Variants in MSANTD5 observed in about 807,000 individuals in gnomAD.
The protein encoded by MSANTD5 is Myb/SANT DNA binding domain containing 5.
At chr5:178,694,357 C>T (rs951483701), downstream of MSANTD5, among the ~76,000 whole-genome samples, 2 of 151,044 alleles carry the variant, frequency 1.3e-5, no homozygotes, top group Non-Finnish European at 3.0e-5. Flanking sequence ...GATCACACAG[C>T]CAGGAAATGA....
At chr5:178,704,777 T>G in the MSANTD5 span, among the ~76,000 whole-genome samples, 71 of 152,160 alleles carry the variant, frequency 4.7e-4, no homozygotes, top group Non-Finnish European at 7.6e-4. Flanking sequence ...CAAAAGAATA[T>G]AGTATTTTAG....
chr5:178,704,611 A>G, the MSANTD5 span, among the ~76,000 whole-genome samples: 17 of 152,230 alleles, frequency 1.1e-4, no homozygotes, highest in Non-Finnish European at 1.6e-4. Flanking sequence ...ATGTAGTGAT[A>G]TCAGGGTTCC....
At chr5:178,705,825 T>C in the MSANTD5 span, among the ~76,000 whole-genome samples, 883 of 152,024 alleles carry the variant, frequency 5.8e-3, 3 homozygotes, top group African/African-American at 0.019. Context: ...GGCGTGGTGG[T>C]GGGCGCCTGT....
chr5:178,692,924 T>C (rs1306043076), downstream of MSANTD5, among the ~76,000 whole-genome samples: 1 of 151,906 alleles, frequency 6.6e-6, no homozygotes, highest in Non-Finnish European at 1.5e-5. Context: ...GACCCGGACA[T>C]AGGGCCTAAG....
the MSANTD5 span, among the ~76,000 whole-genome samples, chr5:178,704,880 G>A: frequency 3.4e-4 from 52 of 152,142 alleles, no homozygotes; most frequent in African/African-American, 1.2e-3. Context: ...GCAGGCACAG[G>A]GGATGAGACT....
the MSANTD5 span, among the ~76,000 whole-genome samples, chr5:178,705,892 G>C: frequency 6.6e-6 from 1 of 151,498 alleles, no homozygotes. Context: ...GGGAGGCAGA[G>C]CTTGCAGTGA....
chr5:178,701,140 A>AT (rs1019357770), upstream of MSANTD5, among the ~76,000 whole-genome samples: 3 of 151,782 alleles, frequency 2.0e-5, no homozygotes, highest in Admixed American at 6.6e-5. Flanking sequence ...CGCCCGGCTA[A>AT]TTTTTTTTGT....
the MSANTD5 span, among the ~76,000 whole-genome samples, chr5:178,703,320 T>A: frequency 5.9e-5 from 9 of 152,190 alleles, no homozygotes; most frequent in Non-Finnish European, 1.5e-5. Flanking sequence ...TGCGCTTGGC[T>A]TGCATGAGTC....
downstream of MSANTD5, among the ~76,000 whole-genome samples, chr5:178,692,859 C>T (rs868531386): frequency 1.3e-5 from 2 of 151,832 alleles, no homozygotes; most frequent in Non-Finnish European, 2.9e-5. Flanking sequence ...TTGACTGTAT[C>T]GATGTCAATA....
chr5:178,699,154 A>AC (rs1765450916), upstream of MSANTD5, among the ~76,000 whole-genome samples: 1 of 152,016 alleles, frequency 6.6e-6, no homozygotes, highest in Non-Finnish European at 1.5e-5. Flanking sequence ...GTTAATGAAC[A>AC]CCGTCTTCTT....
intron 1 of MSANTD5, among the ~76,000 whole-genome samples, chr5:178,696,833 A>G (rs1765417795): frequency 6.6e-6 from 1 of 151,850 alleles, no homozygotes; most frequent in South Asian, 2.1e-4. Flanking sequence ...AGCTCTGTGG[A>G]TCTACTGGGA....
the MSANTD5 span, among the ~76,000 whole-genome samples, chr5:178,706,412 T>C: frequency 1.2e-4 from 18 of 148,882 alleles, no homozygotes; most frequent in Admixed American, 3.3e-4. Context: ...CCCAGCGCTG[T>C]TGCACTGCGG....
upstream of MSANTD5, among the ~76,000 whole-genome samples, chr5:178,702,489 C>G (rs180989456): frequency 6.6e-6 from 1 of 151,574 alleles, no homozygotes; most frequent in African/African-American, 2.4e-5. Context: ...TTAGTAGAGA[C>G]GGGCTTTCAC....
chr5:178,696,080 C>T lies in MSANTD5; in HGVS notation c.91+17G>A, dbSNP rs1765409201. 2 of 152,140 alleles carry T rather than the reference C, an allele frequency of 1.3e-5. No homozygotes were observed. Among genetic ancestry groups the T allele is most frequent in the African/African-American group, 4.8e-5 (2 of 41,432 alleles). 9.4% of individuals were successfully genotyped at this position (152,140 alleles called of 1,614,324 possible). A position where few individuals can be genotyped will look rare whatever the true frequency, so the allele number is the denominator to read the frequency against. Reference sequence around the variant, plus strand: ...AAAATTTTCTCTACTACATGTAAGACTCTGAGGACACTGTACCTGAGGGCT... The same window carrying T: ...AAAATTTTCTCTACTACATGTAAGATTCTGAGGACACTGTACCTGAGGGCT... On this transcript the variant is annotated intron_variant, in intron 2 of 3. Transcript: ENST00000648368.
At chr5:178,692,690 A>G (rs1158900501), downstream of MSANTD5, among the ~76,000 whole-genome samples, 1 of 152,096 alleles carries the variant, frequency 6.6e-6, no homozygotes, top group Non-Finnish European at 1.5e-5. Context: ...AAAAGGCTAC[A>G]TACCGTACAA....
intron 1 of MSANTD5, among the ~76,000 whole-genome samples, chr5:178,697,277 A>G (rs1031842627): frequency 4.0e-5 from 6 of 148,712 alleles, no homozygotes; most frequent in African/African-American, 1.0e-4. Context: ...ACACGGTGAA[A>G]CCCCGTCTCT....
chr5:178,699,877 TCTAATGGGGACCCTGC>T (rs1322314036), upstream of MSANTD5, among the ~76,000 whole-genome samples: 220 of 152,150 alleles, frequency 1.4e-3, no homozygotes, highest in African/African-American at 4.3e-3. Context: ...TTCTGTGGCT[TCTAATGGGGACCCTGC>T]TTATCTTGTC....
chr5:178,701,984 C>T (rs969874585), upstream of MSANTD5, among the ~76,000 whole-genome samples: 26 of 150,948 alleles, frequency 1.7e-4, no homozygotes, highest in Middle Eastern at 3.4e-3. Context: ...CCACCCGCCT[C>T]GGCCTCCCAA....
chr5:178,699,245 A>C (rs560759403), upstream of MSANTD5, among the ~76,000 whole-genome samples: 60 of 152,208 alleles, frequency 3.9e-4, no homozygotes, highest in African/African-American at 1.3e-3. Flanking sequence ...AGGAGCCTGC[A>C]CTCAGCGTGT....
Sources: gnomAD v4.1 joint callset for allele counts (sites outside exome capture counted in the v4.1 genomes callset) on GRCh38, gnomAD v4.1.1 for gene constraint, MANE v1.5 for transcripts, NCBI Gene and HGNC (gene_info 2026-07-23, HGNC 2026-07-21) for gene names.